The following NWD2 variants were observed in gnomAD, a reference collection of about 807,000 sequenced individuals.
NWD2 encodes NACHT and WD repeat domain-containing protein 2.
NWD2 carries 37 observed loss-of-function variants against 132.7 expected under a neutral mutation model. The observed-to-expected ratio is 0.28, with a 90% CI of 0.21 to 0.37. NWD2 has a LOEUF of 0.37. NWD2 is among the 10% of genes least tolerant of loss of function. The probability of loss-of-function intolerance (pLI) is 1.00; values close to 1 mark genes in which losing one functional copy is unlikely to be tolerated. For missense variants in NWD2, 1,592 were observed against 2,122.4 expected, an observed-to-expected ratio of 0.75 and a Z score of 4.91; for synonymous variants, 705 against 803.0, an observed-to-expected ratio of 0.88 and a Z score of 2.06.
chr4:37,305,865 A>T (rs558891692), intron 1 of NWD2, among the ~76,000 whole-genome samples: 1 of 152,242 alleles, frequency 6.6e-6, no homozygotes, highest in East Asian at 1.9e-4. Flanking sequence ...AATTAATAGA[A>T]TTAATGTGGA....
At chr4:37,248,950 A>G (rs894024205) in intron 1 of NWD2, among the ~76,000 whole-genome samples, 1 of 152,216 alleles carries the variant, frequency 6.6e-6, no homozygotes. Flanking sequence ...GTAACAACCC[A>G]TGTCGGATAT....
At chr4:37,273,001 C>T (rs1412143993) in intron 1 of NWD2, among the ~76,000 whole-genome samples, 6 of 151,780 alleles carry the variant, frequency 4.0e-5, no homozygotes, top group Admixed American at 4.0e-4. Context: ...TCAGGTATTT[C>T]AGTTCACCCA....
At chr4:37,392,006 G>T (rs535901331) in intron 3 of NWD2, among the ~76,000 whole-genome samples, 6 of 152,222 alleles carry the variant, frequency 3.9e-5, no homozygotes, top group Non-Finnish European at 8.8e-5. Context: ...TTTGAGACCA[G>T]CCTGGCCAAC....
chr4:37,400,480 A>G (rs17421792), intron 3 of NWD2, among the ~76,000 whole-genome samples: 5,115 of 152,286 alleles, frequency 0.034, 92 homozygotes, highest in Middle Eastern at 0.065. Flanking sequence ...CTCATCATCA[A>G]TTCACTTAGA....
rs569367708 is a variant in NWD2 at position 37,274,056 on chromosome 4, C to T, written c.151+28838C>T. Among the ~76,000 whole-genome samples the T allele has an allele frequency of 3.6e-4, 54 of 152,018 alleles. No individual in the cohort carries two copies. In the South Asian group the frequency reaches 9.0e-3, roughly 25 times the overall value. On this transcript the variant is annotated intron_variant, in intron 1 of 6. Transcript: ENST00000309447. ...AAGAGCAAACACATTCAAAAGCTAG[C>T]GGAAGGCAAGAAATAACTAAGATCA...
Position 37,443,488 on chromosome 4 carries a change from G to C in NWD2, c.1500G>C (p.Leu500Phe). 6.4e-7 allele frequency: 1 copy of C among 1,552,062 alleles called. No individual in the cohort carries two copies. The highest frequency in any genetic ancestry group is 8.7e-7 in the Non-Finnish European group (1 of 1,147,066). The change falls in exon 7 of 7, where the codon TTG (leucine) becomes TTC (phenylalanine). Residue 500 changes from leucine (L) to phenylalanine (F), a missense_variant. By Grantham distance (22) the Leu-to-Phe change is conservative. Transcript: ENST00000309447. This position sits in a 1 kb window ranked among gnomAD's most constrained non-coding sequence, Gnocchi z 4.1. ...TCTGTGACTTATTTATAAATCTTTT[G>C]AATGAGTCTTCACTGCAGAGACCTC... Reference protein sequence around the residue: ...HDLCDLFINLLNESSLQRPLV... With the variant: ...HDLCDLFINLFNESSLQRPLV...
chr4:37,406,799 G>A (rs2109317539), intron 3 of NWD2, among the ~76,000 whole-genome samples: 1 of 152,306 alleles, frequency 6.6e-6, no homozygotes, highest in African/African-American at 2.4e-5. Flanking sequence ...GGGAGGCTGA[G>A]GCAGGAGAAT....
chr4:37,336,374 C>T (rs1260540529), intron 2 of NWD2, among the ~76,000 whole-genome samples: 2 of 152,178 alleles, frequency 1.3e-5, no homozygotes, highest in Non-Finnish European at 2.9e-5. Flanking sequence ...ATTTTACGCT[C>T]AGAGCACATT....
chr4:37,329,625 A>G (rs1577669829), intron 2 of NWD2, among the ~76,000 whole-genome samples: 1 of 151,574 alleles, frequency 6.6e-6, no homozygotes, highest in Admixed American at 6.6e-5. Flanking sequence ...AAAAAAAAAA[A>G]TTAGAACAGT....
rs765838513 is a variant in NWD2, at chr4:37,446,812, A to G, written c.4824A>G (p.Lys1608=). The change falls in exon 7 of 7, where the codon AAA becomes AAG. Residue 1608 remains lysine (K), a synonymous_variant. Transcript: ENST00000309447. The surrounding 1 kb of genome is among the most constrained non-coding windows in gnomAD (Gnocchi z 6.7). ...SLIVMRLADG[K]NIGACSLYKT... ...TTGTAATGAGACTGGCAGATGGCAA[A>G]AATATCGGTGCTTGTTCCCTTTACA... The G allele has an allele frequency of 1.7e-5, 26 of 1,551,772 alleles. No homozygotes were observed. Among genetic ancestry groups the G allele is most frequent in the Non-Finnish European group, 2.0e-5 (23 of 1,147,058 alleles).
At chr4:37,252,166 C>T (rs926995204) in intron 1 of NWD2, among the ~76,000 whole-genome samples, 6 of 152,078 alleles carry the variant, frequency 3.9e-5, no homozygotes, top group South Asian at 2.1e-4. Context: ...ATGAGATCTC[C>T]ACAGGGAATA....
chr4:37,418,572 T>G (rs1272455562), intron 3 of NWD2, among the ~76,000 whole-genome samples: 1 of 151,990 alleles, frequency 6.6e-6, no homozygotes, highest in Non-Finnish European at 1.5e-5. Flanking sequence ...ATAAACTATG[T>G]TGATGGTAAA....
At chr4:37,372,511 G>A (rs1348625341) in intron 3 of NWD2, among the ~76,000 whole-genome samples, 1 of 152,176 alleles carries the variant, frequency 6.6e-6, no homozygotes, top group Admixed American at 6.6e-5. Context: ...TCTTCACTCA[G>A]CTTTTGTTTT....
chr4:37,414,377 A>G (rs1721222563), intron 3 of NWD2, among the ~76,000 whole-genome samples: 1 of 151,672 alleles, frequency 6.6e-6, no homozygotes, highest in Admixed American at 6.6e-5. Context: ...AAAAATCACT[A>G]CTGCCTACAC....
At chr4:37,251,407 C>T (rs986366107) in intron 1 of NWD2, among the ~76,000 whole-genome samples, 1 of 152,102 alleles carries the variant, frequency 6.6e-6, no homozygotes, top group African/African-American at 2.4e-5. Context: ...ACAAACTACC[C>T]CAGATCTTTC....
intron 5 of NWD2, among the ~76,000 whole-genome samples, chr4:37,435,839 A>C (rs927707634): frequency 2.0e-5 from 3 of 152,118 alleles, no homozygotes; most frequent in Admixed American, 2.0e-4. Flanking sequence ...TGCTCATGAC[A>C]ATTTTACTTA....
chr4:37,280,017 C>T (rs527296999), intron 1 of NWD2, among the ~76,000 whole-genome samples: 2 of 152,302 alleles, frequency 1.3e-5, no homozygotes, highest in South Asian at 4.1e-4. Context: ...AAGCATGACA[C>T]TTGTTTTTAG....
intron 1 of NWD2, among the ~76,000 whole-genome samples, chr4:37,301,340 C>T (rs13140748): frequency 0.1 from 15,489 of 152,016 alleles, 2,487 homozygotes; most frequent in African/African-American, 0.34. Flanking sequence ...TTGTTGACTT[C>T]CCTGAATCTG....
chr4:37,364,830 G>A (rs1720064326), intron 3 of NWD2, among the ~76,000 whole-genome samples: 1 of 151,994 alleles, frequency 6.6e-6, no homozygotes, highest in Non-Finnish European at 1.5e-5. Context: ...CACAAAGTAA[G>A]AAGAAAGAAG....
Sources: allele counts gnomAD v4.1 joint callset (sites outside exome capture counted in the v4.1 genomes callset), GRCh38; gene constraint gnomAD v4.1.1; non-coding constraint Gnocchi (gnomAD v3.1); transcripts MANE v1.5; gene names NCBI Gene and HGNC (gene_info 2026-07-23, HGNC 2026-07-21).